The following GNPTG variants were observed in gnomAD, a reference collection of about 807,000 sequenced individuals.
The protein encoded by GNPTG is N-acetylglucosamine-1-phosphate transferase subunit gamma, also known as N-acetylglucosamine-1-phosphotransferase subunit gamma.
Under a neutral mutation model 43.8 loss-of-function variants are expected in GNPTG, and 46 were observed. That is an observed-to-expected ratio of 1.05 (90% CI 0.83 to 1.34). The LOEUF is 1.34. Ranked by LOEUF, GNPTG falls within the 40% of genes most tolerant of loss-of-function variation. The pLI is 0.00. For synonymous variants in GNPTG, 250 were observed against 172.8 expected (o/e 1.45, Z -3.50); for missense variants, 549 against 411.3 (o/e 1.33, Z -2.90).
chr16:1,352,344 C>T, intron 3 of GNPTG, 38 bp downstream of exon 3: 1 of 1,543,076 alleles, frequency 6.5e-7, no homozygotes, highest in South Asian at 1.2e-5. Context: ...CGGGGGTGGC[C>T]GCGGGGAGCA....
At chr16:1,360,099 T>TGG (rs2034843795) in intron 3 of GNPTG, among the ~76,000 whole-genome samples, 2 of 150,490 alleles carry the variant, frequency 1.3e-5, no homozygotes, top group Non-Finnish European at 3.0e-5. Context: ...AATGCTAGAC[T>TGG]CCGTCTCAAA....
Position 1,363,365 on chromosome 16 carries a change from G to A in GNPTG, c.*274G>A. 2.2e-6 allele frequency: 1 copy of A among 450,342 alleles called. No homozygotes were observed. Among genetic ancestry groups the A allele is most frequent in the Non-Finnish European group, 4.1e-6 (1 of 243,512 alleles). 27.9% of individuals were successfully genotyped at this position (450,342 alleles called of 1,614,324 possible). A position where few individuals can be genotyped will look rare whatever the true frequency, so the allele number is the denominator to read the frequency against. ...TTATAAATACTACCTTCTGGGTTAA[G>A]AAAATTCCATTCAAATAACATTCTC... is the stretch of plus-strand genomic sequence containing the variant. On this transcript the variant is annotated 3_prime_UTR_variant, in exon 11 of 11. Transcript: ENST00000204679.
chr16:1,361,468 C>A (rs1211523301), intron 3 of GNPTG: 1 of 407,072 alleles, frequency 2.5e-6, no homozygotes, highest in East Asian at 5.5e-5. Context: ...CGCGGTGAAA[C>A]CCCGTCTCTA....
chr16:1,353,498 G>A (rs1399825780), intron 3 of GNPTG, among the ~76,000 whole-genome samples: 3 of 152,180 alleles, frequency 2.0e-5, no homozygotes, highest in Non-Finnish European at 4.4e-5. Context: ...GTGTGTGTAT[G>A]TGTGTTAGAG....
intron 3 of GNPTG, among the ~76,000 whole-genome samples, chr16:1,360,133 T>G (rs926775779): frequency 1.3e-5 from 2 of 151,820 alleles, no homozygotes; most frequent in South Asian, 2.1e-4. Flanking sequence ...CGTATGGATG[T>G]CTCATGTCAG....
chr16:1,354,878 G>C (rs529662290), intron 3 of GNPTG, among the ~76,000 whole-genome samples: 1 of 152,020 alleles, frequency 6.6e-6, no homozygotes, highest in Non-Finnish European at 1.5e-5. Context: ...CTGTAGGGCT[G>C]GGCGTGGATA....
At chr16:1,352,356 C>G in intron 3 of GNPTG, 50 bp downstream of exon 3, 1 of 1,521,552 alleles carries the variant, frequency 6.6e-7, no homozygotes. Context: ...CGGGGAGCAG[C>G]AACAGTGGAG....
chr16:1,359,306 G>T (rs1040371234), intron 3 of GNPTG, among the ~76,000 whole-genome samples: 21 of 151,466 alleles, frequency 1.4e-4, no homozygotes, highest in African/African-American at 4.9e-4. Context: ...TAACTCTGTA[G>T]CCCAGGCTGG....
In GNPTG at chr16:1,352,333, G is replaced by A. The variant is rs763356168; in HGVS notation, c.178+27G>A. The A allele has an allele frequency of 6.5e-6, 10 of 1,547,568 alleles. 1 individual carries two copies. The South Asian group carries it at 1.2e-4, about 18-fold the overall frequency. ...TGAGTGAGGAGCGCTGTTGGCCGGC[G>A]CGGGGGTGGCCGCGGGGAGCAGCAA... On this transcript the variant is annotated intron_variant, in intron 3 of 10. Coordinates refer to ENST00000204679, the MANE Select transcript of GNPTG (RefSeq NM_032520.5).
Position 1,361,914 on chromosome 16 carries a change from C to A in GNPTG, c.276C>A (p.His92Gln). ...GCCCGTTCCACAACGTGACCCAGCA[C>A]GAGCAGACCTTCCGCTGGAACGCCT... ...EFCPFHNVTQ[H>Q]EQTFRWNAYS... The change falls in exon 5 of 11, where the codon CAC (histidine) becomes CAA (glutamine). Residue 92 changes from histidine to glutamine, a missense_variant. Coordinates refer to ENST00000204679, the MANE Select transcript of GNPTG (RefSeq NM_032520.5). 1 of 1,613,800 alleles carries A rather than the reference C, an allele frequency of 6.2e-7. No homozygotes were observed. Among genetic ancestry groups the A allele is most frequent in the Non-Finnish European group, 8.5e-7 (1 of 1,180,052 alleles).
Position 1,361,896 on chromosome 16 carries a change from C to T in GNPTG, c.258C>T (p.Phe86=), listed in dbSNP as rs1596613100. The part of the protein sequence containing the change: ...ESTYKYEFCP[F]HNVTQHEQTF... The stretch of plus-strand genomic sequence containing the variant: ...GGTACAAGTATGAGTTCTGCCCGTT[C>T]CACAACGTGACCCAGCACGAGCAGA... Residue 86 remains phenylalanine, a synonymous_variant, in exon 5 of 11, where the codon TTC becomes TTT. Transcript: ENST00000204679. The T allele has an allele frequency of 1.9e-6, 3 of 1,613,848 alleles. No homozygotes were observed. The highest frequency in any genetic ancestry group is 2.2e-5 in the South Asian group (2 of 91,084).
Position 1,362,526 on chromosome 16 carries a change from AC to A in GNPTG, c.607del (p.Gln203ArgfsTer7). 9.3e-6 allele frequency: 15 copies of A among 1,613,860 alleles called. No individual in the cohort carries two copies. Among genetic ancestry groups the A allele is most frequent in the Non-Finnish European group, 1.2e-5 (14 of 1,179,974 alleles). ...VEQDLADELI[T>X]PQGHEKLLRT... Reference sequence around the variant, plus strand: ...GCAGGACCTGGCCGATGAGCTGATCACCCCCCAGGTAAGCGTGCGCTCGGGG... The same window carrying A: ...GCAGGACCTGGCCGATGAGCTGATCACCCCCAGGTAAGCGTGCGCTCGGGG... On this transcript the variant is annotated frameshift_variant, in exon 8 of 11. Coordinates refer to ENST00000204679, the MANE Select transcript of GNPTG (RefSeq NM_032520.5). LOFTEE classifies it high-confidence loss of function.
intron 3 of GNPTG, among the ~76,000 whole-genome samples, chr16:1,354,864 G>A (rs890582757): frequency 6.6e-5 from 10 of 151,978 alleles, no homozygotes; most frequent in Non-Finnish European, 1.0e-4. Context: ...ATAGTCCCCC[G>A]CGTCTGTAGG....
At position 1,363,848 on chromosome 16, in the gene GNPTG, GC is replaced by G. The variant is rs902713096; in HGVS notation, c.*759del. 6.6e-6 allele frequency: 1 copy of G among 152,500 alleles called. No individual in the cohort carries two copies. The highest frequency in any genetic ancestry group is 2.4e-5 in the African/African-American group (1 of 41,440). 9.4% of individuals were successfully genotyped at this position (152,500 alleles called of 1,614,324 possible). A position where few individuals can be genotyped will look rare whatever the true frequency, so the allele number is the denominator to read the frequency against. The stretch of plus-strand genomic sequence containing the variant: ...CCAGTACTGATCTAGGGGAGCAGGT[GC>G]CACCTCCATCTCCCAGCTGTCCCCC... On this transcript the variant is annotated 3_prime_UTR_variant, in exon 11 of 11. Coordinates refer to ENST00000204679, the MANE Select transcript of GNPTG (RefSeq NM_032520.5).
chr16:1,363,381 T>C lies in GNPTG; in HGVS notation c.*290T>C, dbSNP rs2034986877. On this transcript the variant is annotated 3_prime_UTR_variant, in exon 11 of 11. Transcript: ENST00000204679. ...CTGGGTTAAGAAAATTCCATTCAAA[T>C]AACATTCTCATGTAAATACTCAAAC... 2 of 419,168 alleles carry C rather than the reference T, an allele frequency of 4.8e-6. No individual in the cohort carries two copies. Among genetic ancestry groups the C allele is most frequent in the Admixed American group, 7.2e-5 (2 of 27,698 alleles). The allele number at this position is 419,168 out of a possible 1,614,324, so 26.0% of individuals were successfully genotyped here.
At chr16:1,362,370 GCCCTGCTGGAGGCCC>G in intron 7 of GNPTG, 50 bp downstream of exon 7, 1 of 1,609,374 alleles carries the variant, frequency 6.2e-7, no homozygotes, top group South Asian at 1.1e-5. Flanking sequence ...CGCGCACGCA[GCCCTGCTGGAGGCCC>G]TGTAGTGCTG....
intron 3 of GNPTG, among the ~76,000 whole-genome samples, chr16:1,360,100 C>CTGG (rs2034843854): frequency 1.3e-5 from 2 of 150,920 alleles, no homozygotes; most frequent in Non-Finnish European, 3.0e-5. Flanking sequence ...ATGCTAGACT[C>CTGG]CGTCTCAAAA....
At chr16:1,361,501 G>T (rs879736662) in intron 3 of GNPTG, 2 of 474,026 alleles carry the variant, frequency 4.2e-6, no homozygotes, top group Non-Finnish European at 7.7e-6. Flanking sequence ...AAAATTAGCC[G>T]GGCATGGTGG....
intron 5 of GNPTG, 39 bp from the exon 6 acceptor site, chr16:1,361,999 C>T (rs1299669494): frequency 3.7e-6 from 6 of 1,613,024 alleles, no homozygotes; most frequent in Non-Finnish European, 5.1e-6. Context: ...CAGCGCAGCT[C>T]CCCACCCGGC....
Sources: allele counts gnomAD v4.1 joint callset (sites outside exome capture counted in the v4.1 genomes callset), GRCh38; gene constraint gnomAD v4.1.1; transcripts MANE v1.5; gene names NCBI Gene and HGNC (gene_info 2026-07-23, HGNC 2026-07-21).